Variants in ANO3 observed in about 807,000 individuals in gnomAD.
ANO3 encodes the protein anoctamin-3.
A neutral mutation model predicts 144.8 loss-of-function variants in ANO3; 99 were observed. That is an observed-to-expected ratio of 0.68 (90% confidence interval 0.58 to 0.81). ANO3 has a LOEUF of 0.81. Ranked by LOEUF, ANO3 falls within the 30% of genes least tolerant of loss-of-function variation. The probability of loss-of-function intolerance (pLI) is 0.00; values close to 1 mark genes in which losing one functional copy is unlikely to be tolerated. For synonymous variants in ANO3, 414 were observed against 392.6 expected (o/e 1.05, Z -0.64); for missense variants, 905 against 1,202.2 (o/e 0.75, Z 3.66).
At chr11:26,273,247 T>A (rs1349889802) in intron 1 of ANO3, among the ~76,000 whole-genome samples, 16 of 120,828 alleles carry the variant, frequency 1.3e-4, no homozygotes, top group African/African-American at 3.9e-4. Context: ...TTTTTTTTTA[T>A]ATTGGACAAT....
chr11:26,206,370 A>G (rs1043786381), intron 1 of ANO3, among the ~76,000 whole-genome samples: 13 of 152,192 alleles, frequency 8.5e-5, no homozygotes, highest in Admixed American at 6.5e-5. Flanking sequence ...TGCCATGTGT[A>G]AATAAACTTG....
At chr11:26,465,146 G>C (rs866893739) in intron 4 of ANO3, among the ~76,000 whole-genome samples, 10 of 148,948 alleles carry the variant, frequency 6.7e-5, no homozygotes, top group African/African-American at 2.0e-4. Context: ...GTGTGTGTGT[G>C]TGTGTGTGTG....
At chr11:26,322,391 A>G (rs1393014916) in intron 1 of ANO3, among the ~76,000 whole-genome samples, 1 of 152,004 alleles carries the variant, frequency 6.6e-6, no homozygotes, top group African/African-American at 2.4e-5. Context: ...TAAAGCCTAT[A>G]GTTTATTCAT....
At chr11:26,256,321 A>G (rs538634764) in intron 1 of ANO3, among the ~76,000 whole-genome samples, 37 of 152,284 alleles carry the variant, frequency 2.4e-4, no homozygotes, top group African/African-American at 8.4e-4. Context: ...TGAATGGATC[A>G]ATAAAACCCC....
intron 1 of ANO3, among the ~76,000 whole-genome samples, chr11:26,289,602 T>C (rs185559455): frequency 4.6e-5 from 4 of 86,858 alleles, no homozygotes; most frequent in Non-Finnish European, 8.3e-5. Context: ...TATATGTACA[T>C]ATACACACAT....
intron 1 of ANO3, among the ~76,000 whole-genome samples, chr11:26,218,798 C>T (rs1260463193): frequency 1.3e-5 from 2 of 152,006 alleles, no homozygotes; most frequent in African/African-American, 2.4e-5. Flanking sequence ...CATAACATGG[C>T]ACATGTGTGT....
At chr11:26,510,004 C>T (rs910909700) in intron 5 of ANO3, among the ~76,000 whole-genome samples, 1 of 151,660 alleles carries the variant, frequency 6.6e-6, no homozygotes, top group African/African-American at 2.4e-5. Context: ...CGTGGTGGCG[C>T]GTTCCTGTAG....
chr11:26,268,030 A>C (rs1399842448), intron 1 of ANO3, among the ~76,000 whole-genome samples: 2 of 152,212 alleles, frequency 1.3e-5, no homozygotes, highest in Non-Finnish European at 2.9e-5. Context: ...CAGAGTCGAG[A>C]AAATACCTAC....
chr11:26,442,152 A>G, intron 2 of ANO3, 40 bp downstream of exon 2: 1 of 1,583,644 alleles, frequency 6.3e-7, no homozygotes, highest in Non-Finnish European at 8.6e-7. Context: ...ATTTATAAAA[A>G]CTACGTGTTT....
rs186802647 is a variant in ANO3, at chr11:26,249,522, T to C, written c.155-60123T>C. 9.3e-4 allele frequency among the ~76,000 whole-genome samples: 142 copies of C among 152,264 alleles called. 3 individuals carry two copies. The highest frequency in any genetic ancestry group is 3.3e-3 in the African/African-American group (138 of 41,530). On this transcript the variant is annotated intron_variant, in intron 1 of 27. Transcript: ENST00000672621. ...CTTCTTGAATTATATAGTTATGTGC[T>C]TCTTCTCCTGGCCCTGGTGGTTGTG...
intron 1 of ANO3, among the ~76,000 whole-genome samples, chr11:26,282,721 C>A (rs1338123343): frequency 6.6e-6 from 1 of 152,052 alleles, no homozygotes; most frequent in East Asian, 1.9e-4. Context: ...TATCATCTTA[C>A]CAAGCATCAG....
intron 14 of ANO3, among the ~76,000 whole-genome samples, chr11:26,592,934 G>T (rs186189083): frequency 6.6e-6 from 1 of 152,048 alleles, no homozygotes; most frequent in East Asian, 1.9e-4. Flanking sequence ...TTGGTTTCCC[G>T]GAGGGGATTA....
At chr11:26,559,164 G>A (rs1318602707) in intron 13 of ANO3, 1 of 152,292 alleles carries the variant, frequency 6.6e-6, no homozygotes, top group Non-Finnish European at 1.5e-5. Context: ...TTTCATAAGT[G>A]TTCAGTGATT....
chr11:26,287,188 G>A (rs1475725628), intron 1 of ANO3: 2 of 152,188 alleles, frequency 1.3e-5, no homozygotes, highest in Non-Finnish European at 2.9e-5. Flanking sequence ...CACCAGAGCA[G>A]AGCCCGGTCT....
chr11:26,572,930 G>A (rs1007013288), intron 14 of ANO3, among the ~76,000 whole-genome samples: 1 of 152,138 alleles, frequency 6.6e-6, no homozygotes, highest in Non-Finnish European at 1.5e-5. Flanking sequence ...AGAAGCTGGA[G>A]AATTTCAGAA....
intron 4 of ANO3, among the ~76,000 whole-genome samples, chr11:26,504,993 C>CAGAGCG (rs1291083711): frequency 9.0e-6 from 1 of 110,608 alleles, no homozygotes; most frequent in Non-Finnish European, 1.7e-5. Flanking sequence ...GCCTAGGCGA[C>CAGAGCG]AGAGCGAGAC....
At chr11:26,583,861 T>G (rs1302538199) in intron 14 of ANO3, among the ~76,000 whole-genome samples, 1 of 152,204 alleles carries the variant, frequency 6.6e-6, no homozygotes, top group Non-Finnish European at 1.5e-5. Flanking sequence ...GATAAACTAT[T>G]GTTTCAACTG....
Position 26,599,708 on chromosome 11 carries a change from G to A in ANO3, c.1830G>A (p.Leu610=), listed in dbSNP as rs752494668. ...VCINFIIIML[L]NLAYEKIAYL... Reference sequence around the variant, plus strand: ...TCAATTTCATAATCATTATGTTGCTGAATCTTGTAAGTGTCTATAATGTTA... The same window carrying A: ...TCAATTTCATAATCATTATGTTGCTAAATCTTGTAAGTGTCTATAATGTTA... Residue 610 remains leucine (L), a synonymous_variant, in exon 17 of 27, where the codon CTG becomes CTA. Transcript: ENST00000256737. 1.2e-6 allele frequency: 2 copies of A among 1,613,514 alleles called. No individual in the cohort carries two copies. Among genetic ancestry groups the A allele is most frequent in the Admixed American group, 3.3e-5 (2 of 60,006 alleles).
At chr11:26,206,449 T>C (rs1029888867) in intron 1 of ANO3, among the ~76,000 whole-genome samples, 8 of 152,180 alleles carry the variant, frequency 5.3e-5, no homozygotes, top group Admixed American at 5.2e-4. Flanking sequence ...ATAGCACTTA[T>C]ATTATTTCCT....
Sources: gnomAD v4.1 joint callset for allele counts (sites outside exome capture counted in the v4.1 genomes callset) on GRCh38, gnomAD v4.1.1 for gene constraint, MANE v1.5 for transcripts, NCBI Gene and HGNC (gene_info 2026-07-23, HGNC 2026-07-21) for gene names.